Variants in GNG12 observed in about 807,000 individuals in gnomAD.
The protein encoded by GNG12 is G protein subunit gamma 12, also known as guanine nucleotide-binding protein G(I)/G(S)/G(O) subunit gamma-12.
For synonymous variants in GNG12, 28 were observed against 29.7 expected, an observed-to-expected ratio of 0.94 and a Z score of 0.19; for missense variants, 69 against 83.8, an observed-to-expected ratio of 0.82 and a Z score of 0.69.
chr1:67,752,808 T>G (rs1023105777), intron 2 of GNG12, among the ~76,000 whole-genome samples: 1 of 152,206 alleles, frequency 6.6e-6, no homozygotes, highest in Admixed American at 6.5e-5. Context: ...ATTCCTCCAC[T>G]AATCTGAGCT....
intron 2 of GNG12, among the ~76,000 whole-genome samples, chr1:67,723,228 G>C (rs1000774237): frequency 6.6e-6 from 1 of 152,156 alleles, no homozygotes; most frequent in Non-Finnish European, 1.5e-5. Flanking sequence ...ATTTCCAAGG[G>C]GTGCATGAAG....
intron 3 of GNG12, among the ~76,000 whole-genome samples, chr1:67,706,971 T>C (rs575481869): frequency 1.3e-5 from 2 of 152,294 alleles, no homozygotes; most frequent in Admixed American, 1.3e-4. Context: ...ACTGCTTCAG[T>C]TTCAAGGAAG....
intron 1 of GNG12, among the ~76,000 whole-genome samples, chr1:67,808,168 G>A (rs1284479165): frequency 6.6e-6 from 1 of 151,974 alleles, no homozygotes; most frequent in African/African-American, 2.4e-5. Flanking sequence ...ATCAATTAAT[G>A]GAATCCATCC....
At chr1:67,819,739 A>G (rs1403259224) in intron 1 of GNG12, among the ~76,000 whole-genome samples, 1 of 151,996 alleles carries the variant, frequency 6.6e-6, no homozygotes, top group Non-Finnish European at 1.5e-5. Flanking sequence ...TGTTCTTTAC[A>G]CTCCTACCAC....
intron 2 of GNG12, among the ~76,000 whole-genome samples, chr1:67,709,863 TAGTTATATATATA>T (rs1646271935): frequency 8.0e-5 from 10 of 125,514 alleles, no homozygotes; most frequent in African/African-American, 3.1e-4. Context: ...TATATATATA[TAGTTATATATATA>T]TTTATATATA....
chr1:67,708,817 C>A (rs759789465), intron 2 of GNG12, among the ~76,000 whole-genome samples: 6 of 152,200 alleles, frequency 3.9e-5, no homozygotes, highest in Non-Finnish European at 7.3e-5. Context: ...TATGTGAGGG[C>A]TCAGCAAAGT....
At chr1:67,727,762 C>T (rs1017590785) in intron 2 of GNG12, among the ~76,000 whole-genome samples, 3 of 152,160 alleles carry the variant, frequency 2.0e-5, no homozygotes, top group African/African-American at 7.2e-5. Flanking sequence ...ATTTACAAGG[C>T]GCTTTCTCAT....
chr1:67,796,365 G>C (rs1172207323), intron 1 of GNG12, among the ~76,000 whole-genome samples: 1 of 151,978 alleles, frequency 6.6e-6, no homozygotes, highest in African/African-American at 2.4e-5. Flanking sequence ...GATGCTTTCT[G>C]CTTGAGGCCT....
intron 2 of GNG12, among the ~76,000 whole-genome samples, chr1:67,753,469 A>G (rs80200290): frequency 0.024 from 3,597 of 152,242 alleles, 139 homozygotes; most frequent in African/African-American, 0.081. Flanking sequence ...ATCACCCATG[A>G]CAAGTCCTGC....
chr1:67,734,226 G>A (rs982081382), intron 2 of GNG12, among the ~76,000 whole-genome samples: 1 of 151,688 alleles, frequency 6.6e-6, no homozygotes, highest in African/African-American at 2.4e-5. Context: ...TCTAGTACAA[G>A]CAGATGGTGA....
chr1:67,771,270 C>T (rs1646672880), intron 2 of GNG12, among the ~76,000 whole-genome samples: 1 of 152,228 alleles, frequency 6.6e-6, no homozygotes, highest in South Asian at 2.1e-4. Context: ...AAGTGCCAGG[C>T]ACTGGGCCAT....
chr1:67,705,292 G>A lies in GNG12; in HGVS notation c.*159C>T, dbSNP rs1254538134. On this transcript the variant is annotated 3_prime_UTR_variant, in exon 4 of 4. Coordinates refer to ENST00000370982, the MANE Select transcript of GNG12 (RefSeq NM_018841.6). ...CAGTAAAGGGTATTTTAAGAGAAAGGACAACTTGGAAAATAGAGACTTCAG... is the reference window on the plus strand; with the variant it reads ...CAGTAAAGGGTATTTTAAGAGAAAGAACAACTTGGAAAATAGAGACTTCAG... The A allele has an allele frequency of 8.7e-7, 1 of 1,148,168 alleles. No homozygotes were observed. The highest frequency in any genetic ancestry group is 1.8e-5 in the South Asian group (1 of 54,138). 71.1% of individuals were successfully genotyped at this position (1,148,168 alleles called of 1,614,324 possible). A position where few individuals can be genotyped will look rare whatever the true frequency, so the allele number is the denominator to read the frequency against.
intron 3 of GNG12, 143 bp from the exon 4 acceptor site, chr1:67,705,719 T>G: frequency 2.2e-6 from 3 of 1,361,922 alleles, no homozygotes; most frequent in Non-Finnish European, 2.9e-6. Context: ...CTCAGATTCT[T>G]GTCAGGTATA....
intron 1 of GNG12, among the ~76,000 whole-genome samples, chr1:67,818,413 G>GGT (rs1255832338): frequency 1.2e-5 from 1 of 83,900 alleles, no homozygotes; most frequent in African/African-American, 4.3e-5. Context: ...AAGACCAGGG[G>GGT]TTTTTTTTTT....
rs532255821 is a variant in GNG12 at position 67,814,163 on chromosome 1, T to A, written c.-77+19181A>T. 9.2e-5 allele frequency among the ~76,000 whole-genome samples: 14 copies of A among 152,210 alleles called. No individual in the cohort carries two copies. In the East Asian group the frequency reaches 2.7e-3, roughly 29 times the overall value. ...AAATTTAAAACATCATTAGAAAACA[T>A]TACAGAAACACATAAAGTAAACAAA... On this transcript the variant is annotated intron_variant, in intron 1 of 3. Coordinates refer to ENST00000370982, the MANE Select transcript of GNG12 (RefSeq NM_018841.6).
At chr1:67,833,071 G>A (rs1647059701) in intron 1 of GNG12, among the ~76,000 whole-genome samples, 1 of 151,378 alleles carries the variant, frequency 6.6e-6, no homozygotes, top group South Asian at 2.1e-4. Context: ...CCCGTCGAGG[G>A]CGCGCGCGCC....
At chr1:67,832,127 G>A (rs115608989) in intron 1 of GNG12, among the ~76,000 whole-genome samples, 2 of 152,166 alleles carry the variant, frequency 1.3e-5, no homozygotes, top group East Asian at 1.9e-4. Context: ...AAGACAGCAG[G>A]GGGGAGAGGA....
intron 1 of GNG12, among the ~76,000 whole-genome samples, chr1:67,810,602 T>G (rs796220036): frequency 6.6e-6 from 1 of 152,188 alleles, no homozygotes; most frequent in Non-Finnish European, 1.5e-5. Flanking sequence ...AAAAAAAGAT[T>G]GATTTGTGAG....
At chr1:67,761,673 T>C (rs1646605642) in intron 2 of GNG12, among the ~76,000 whole-genome samples, 1 of 152,148 alleles carries the variant, frequency 6.6e-6, no homozygotes, top group African/African-American at 2.4e-5. Context: ...TAAAACACAT[T>C]TCCAACAGTT....
Sources: gnomAD v4.1 joint callset for allele counts (sites outside exome capture counted in the v4.1 genomes callset) on GRCh38, gnomAD v4.1.1 for gene constraint, MANE v1.5 for transcripts, NCBI Gene and HGNC (gene_info 2026-07-23, HGNC 2026-07-21) for gene names.